WDR75: variants seen among roughly 807,000 people sequenced by gnomAD.
WDR75 encodes WD repeat-containing protein 75.
In WDR75, 52 loss-of-function variants were observed where a neutral mutation model predicts 106.1. The observed-to-expected ratio is 0.49, with a 90% CI of 0.39 to 0.62. The LOEUF is 0.62. Ranked by LOEUF, WDR75 falls within the 20% of genes least tolerant of loss-of-function variation. WDR75 has a pLI of 0.00. For synonymous variants in WDR75, 333 were observed against 335.5 expected, an observed-to-expected ratio of 0.99 and a Z score of 0.08; for missense variants, 905 against 970.3, an observed-to-expected ratio of 0.93 and a Z score of 0.89.
intron 1 of WDR75, among the ~76,000 whole-genome samples, chr2:189,443,058 G>T (rs1052823524): frequency 1.3e-5 from 2 of 152,140 alleles, no homozygotes; most frequent in Non-Finnish European, 2.9e-5. Flanking sequence ...TATATATTAT[G>T]TATAACATGC....
At position 189,458,966 on chromosome 2, in the gene WDR75, C is replaced by T. The variant is rs186186731; in HGVS notation, c.689+94C>T. 4.9e-4 allele frequency: 667 copies of T among 1,357,852 alleles called. No homozygotes were observed. In the African/African-American group the frequency reaches 9.1e-3, roughly 19 times the overall value. 84.1% of individuals were successfully genotyped at this position (1,357,852 alleles called of 1,614,324 possible). On this transcript the variant is annotated intron_variant, in intron 7 of 20. Transcript: ENST00000314761. Reference sequence around the variant, plus strand: ...CTATCTCTGGGTCCCAAGAAACAGCCTCCCTTTCCTTTTTTGTGTGCTTTT... The same window carrying T: ...CTATCTCTGGGTCCCAAGAAACAGCTTCCCTTTCCTTTTTTGTGTGCTTTT...
chr2:189,457,167 G>A (rs1686754493), intron 5 of WDR75, 144 bp from the exon 6 acceptor site: 2 of 576,226 alleles, frequency 3.5e-6, no homozygotes, highest in Admixed American at 3.2e-5. Flanking sequence ...CTTGAACTCG[G>A]GAGGCAGAGT....
intron 8 of WDR75, among the ~76,000 whole-genome samples, chr2:189,460,440 T>G: frequency 6.6e-6 from 1 of 152,096 alleles, no homozygotes; most frequent in Non-Finnish European, 1.5e-5. Flanking sequence ...TCCTTCCCAC[T>G]CCACACCCTC....
chr2:189,450,802 TAATGA>T, intron 2 of WDR75, 96 bp from the exon 3 acceptor site: 1 of 1,544,220 alleles, frequency 6.5e-7, no homozygotes, highest in Non-Finnish European at 8.6e-7. Flanking sequence ...AACAGTGAAT[TAATGA>T]ATAGAAAATG....
Position 189,474,729 on chromosome 2 carries a change from C to G in WDR75, c.2209C>G (p.Pro737Ala), listed in dbSNP as rs187377903. ...TGTTTGACTCCAGCTTCTTCACACT[C>G]CAGCCCATGTCCTGCCATCTGCTGC... ...IPAISELLHT[P>A]AHVLPSAAFL... Residue 737 changes from proline to alanine, a missense_variant, in exon 20 of 21, where the codon CCA becomes GCA. Pro to Ala is a conservative substitution (Grantham distance 27). Coordinates refer to ENST00000314761, the MANE Select transcript of WDR75 (RefSeq NM_032168.3). The G allele has an allele frequency of 7.4e-6, 12 of 1,614,026 alleles. No homozygotes were observed. In the South Asian group the frequency reaches 1.3e-4, roughly 18 times the overall value.
chr2:189,455,246 A>AG, intron 4 of WDR75, 74 bp from the exon 5 acceptor site: 1 of 1,535,668 alleles, frequency 6.5e-7, no homozygotes, highest in East Asian at 2.3e-5. Context: ...GCCTCAAAAA[A>AG]AAAAGAATAA....
chr2:189,451,966 AC>A, intron 4 of WDR75, 71 bp downstream of exon 4: 1 of 1,322,912 alleles, frequency 7.6e-7, no homozygotes, highest in Admixed American at 2.1e-5. Flanking sequence ...TCAAAATTTA[AC>A]ATTTTGGTTT....
At chr2:189,463,279 TA>T (rs781052413) in intron 9 of WDR75, among the ~76,000 whole-genome samples, 5 of 152,166 alleles carry the variant, frequency 3.3e-5, no homozygotes, top group Non-Finnish European at 7.4e-5. Flanking sequence ...GATAAAAACT[TA>T]AAGACTCCAA....
chr2:189,455,267 CAT>C, intron 4 of WDR75, 51 bp from the exon 5 acceptor site: 1 of 1,566,436 alleles, frequency 6.4e-7, no homozygotes, highest in Middle Eastern at 1.7e-4. Flanking sequence ...ATTCCTTACA[CAT>C]GTTTGCTCTC....
chr2:189,468,744 A>G (rs988853280), intron 15 of WDR75, among the ~76,000 whole-genome samples, 175 bp downstream of exon 15: 1 of 152,164 alleles, frequency 6.6e-6, no homozygotes, highest in African/African-American at 2.4e-5. Context: ...AATAGACATT[A>G]TTTATTAACT....
chr2:189,459,871 A>G (rs1474200174), intron 8 of WDR75, among the ~76,000 whole-genome samples: 3 of 152,202 alleles, frequency 2.0e-5, no homozygotes, highest in Non-Finnish European at 1.5e-5. Flanking sequence ...CTTGCCTAAC[A>G]TGACATGGTG....
intron 11 of WDR75, 26 bp from the exon 12 acceptor site, chr2:189,465,053 G>T (rs1407437275): frequency 6.6e-7 from 1 of 1,524,240 alleles, no homozygotes; most frequent in African/African-American, 1.4e-5. Flanking sequence ...AAACATTTTG[G>T]TTTTTTGGTT....
rs143627681 is a variant in WDR75 at position 189,469,599 on chromosome 2, G to A, written c.1819+160G>A. On this transcript the variant is annotated intron_variant, in intron 16 of 20. Transcript: ENST00000314761. ...GCCCCAACACTTTGTCATTGTGTGC[G>A]TCCATACTTAGTTCTAGGAGAGCTC... Among the ~76,000 whole-genome samples the A allele has an allele frequency of 7.2e-5, 11 of 152,212 alleles. No individual in the cohort carries two copies. In the East Asian group the frequency reaches 1.7e-3, roughly 24 times the overall value.
chr2:189,463,849 G>A lies in WDR75; in HGVS notation c.1001G>A (p.Arg334Lys). The A allele has an allele frequency of 6.2e-7, 1 of 1,613,752 alleles. No homozygotes were observed. Residue 334 changes from arginine to lysine, a missense_variant, in exon 11 of 21, where the codon AGG becomes AAG. Transcript: ENST00000314761. The stretch of plus-strand genomic sequence containing the variant: ...TTATTTGTCACCACTTCTGCAGATA[G>A]GAGTATCTTCACTGGTTTGATGATT... ...SAVIQGLVKD[R>K]SIFTGLMIDP... is the part of the protein sequence containing the mutation.
At chr2:189,444,310 G>T (rs1194905472) in intron 1 of WDR75, among the ~76,000 whole-genome samples, 1 of 152,106 alleles carries the variant, frequency 6.6e-6, no homozygotes, top group South Asian at 2.1e-4. Context: ...TGGAATTTTG[G>T]CGGCTTCCTC....
intron 13 of WDR75, among the ~76,000 whole-genome samples, 165 bp from the exon 14 acceptor site, chr2:189,467,303 A>G (rs368044625): frequency 5.9e-5 from 9 of 152,242 alleles, no homozygotes; most frequent in South Asian, 4.1e-4. Flanking sequence ...CTCTCTTTCA[A>G]AATATCTTTT....
rs777081441 is a variant in WDR75, at chr2:189,462,503, C to A, written c.798C>A (p.Gly266=). ...FSVTGTSLLS[G]GRESVLVEWR... ...ATGAAGGCACCAGTCTGCTGAGTGG[C>A]GGTCGTGAATCTGTACTTGTAGAGT... The change falls in exon 9 of 21, where the codon GGC becomes GGA. Residue 266 remains glycine, a synonymous_variant. Coordinates refer to ENST00000314761, the MANE Select transcript of WDR75 (RefSeq NM_032168.3). The A allele has an allele frequency of 6.2e-7, 1 of 1,613,692 alleles. No individual in the cohort carries two copies. The highest frequency in any genetic ancestry group is 8.5e-7 in the Non-Finnish European group (1 of 1,179,724).
At chr2:189,469,521 T>A (rs1463742371) in intron 16 of WDR75, 82 bp downstream of exon 16, 30 of 1,190,156 alleles carry the variant, frequency 2.5e-5, no homozygotes, top group Non-Finnish European at 3.4e-5. Flanking sequence ...CAAACTTGCC[T>A]TCACATCAGA....
rs2289224 is a variant in WDR75 at position 189,465,958 on chromosome 2, A to C, written c.1290-467A>C. ...AGCTCGAAATAAGCTTTAAGAAGTC[A>C]TTTAGGTGACTAAAAATAGTAAATA... On this transcript the variant is annotated intron_variant, in intron 12 of 20. Transcript: ENST00000314761. Among the ~76,000 whole-genome samples, 815 of 152,280 alleles carry C rather than the reference A, an allele frequency of 5.4e-3. 30 individuals carry two copies. In the East Asian group the frequency reaches 0.084, roughly 16 times the overall value.
Sources: gnomAD v4.1 joint callset for allele counts (sites outside exome capture counted in the v4.1 genomes callset) on GRCh38, gnomAD v4.1.1 for gene constraint, MANE v1.5 for transcripts, NCBI Gene and HGNC (gene_info 2026-07-23, HGNC 2026-07-21) for gene names.